The following MISP variants were observed in gnomAD, a reference collection of about 807,000 sequenced individuals.
MISP encodes mitotic interactor and substrate of PLK1.
Under a neutral mutation model 49.3 loss-of-function variants are expected in MISP, and 51 were observed. That is an observed-to-expected ratio of 1.03 (90% confidence interval 0.83 to 1.31). The LOEUF is 1.31. Ranked by LOEUF, MISP falls within the 50% of genes most tolerant of loss-of-function variation. The pLI, the probability that MISP is intolerant of heterozygous loss-of-function variation, is 0.00. For synonymous variants in MISP, 444 were observed against 392.6 expected (o/e 1.13, Z -1.55); for missense variants, 1,084 against 935.1 (o/e 1.16, Z -2.08).
At chr19:761,557 A>G in intron 3 of MISP, 68 bp from the exon 4 acceptor site, 1 of 1,571,428 alleles carries the variant, frequency 6.4e-7, no homozygotes, top group Non-Finnish European at 8.8e-7. Context: ...GCTGTGTGGG[A>G]GCTCTGGTCG....
At chr19:761,317 C>T (rs1247504238) in intron 3 of MISP, among the ~76,000 whole-genome samples, 2 of 151,242 alleles carry the variant, frequency 1.3e-5, no homozygotes, top group Non-Finnish European at 3.0e-5. Flanking sequence ...CGAGATCGCA[C>T]CACCGCACTC....
chr19:758,941 T>C (rs1345331829), intron 2 of MISP, among the ~76,000 whole-genome samples: 1 of 152,238 alleles, frequency 6.6e-6, no homozygotes, highest in African/African-American at 2.4e-5. Flanking sequence ...GGGCTTTTGC[T>C]TTATGGATTT....
intron 4 of MISP, among the ~76,000 whole-genome samples, chr19:762,973 C>T (rs1396083336): frequency 6.6e-6 from 1 of 152,146 alleles, no homozygotes; most frequent in African/African-American, 2.4e-5. Context: ...TCGCCTGACC[C>T]CTCTTTGAGC....
chr19:761,373 A>T (rs1379694255), intron 3 of MISP, among the ~76,000 whole-genome samples: 1 of 151,776 alleles, frequency 6.6e-6, no homozygotes, highest in African/African-American at 2.4e-5. Flanking sequence ...TAAATAAATA[A>T]ATTAATTAAT....
intron 3 of MISP, among the ~76,000 whole-genome samples, chr19:760,746 G>A (rs1360143852): frequency 3.3e-5 from 5 of 151,802 alleles, no homozygotes; most frequent in Non-Finnish European, 7.4e-5. Flanking sequence ...AAGGAACAAA[G>A]CGAGGAAGGA....
chr19:752,868 T>C (rs2033481365), intron 1 of MISP, among the ~76,000 whole-genome samples: 1 of 152,218 alleles, frequency 6.6e-6, no homozygotes, highest in African/African-American at 2.4e-5. Context: ...GGCGTGGACC[T>C]GCCCAGCCCT....
At position 758,148 on chromosome 19, in the gene MISP, C is replaced by T. The variant is rs371777542; in HGVS notation, c.1202C>T (p.Pro401Leu). The change falls in exon 2 of 5, where the codon CCG (proline) becomes CTG (leucine). Residue 401 changes from proline (P) to leucine (L), a missense_variant. By Grantham distance (98) the Pro-to-Leu change is moderately conservative (BLOSUM62 -3). Transcript: ENST00000215582. ...RALSSDSILSPAPDARAADPA... is the reference protein window; with the variant it reads ...RALSSDSILSLAPDARAADPA... ...CTCAGCTCAGATTCCATCCTCAGCC[C>T]GGCCCCAGATGCCCGTGCGGCCGAC... 7.2e-5 allele frequency: 116 copies of T among 1,611,856 alleles called. No homozygotes were observed. Among genetic ancestry groups the T allele is most frequent in the African/African-American group, 3.9e-4 (29 of 75,002 alleles).
At position 757,291 on chromosome 19, in the gene MISP, C is replaced by T. The variant is rs777876767; in HGVS notation, c.345C>T (p.Asp115=). 14 of 1,613,910 alleles carry T rather than the reference C, an allele frequency of 8.7e-6. No homozygotes were observed. The highest frequency in any genetic ancestry group is 5.5e-5 in the South Asian group (5 of 91,092). ...CAACATGGGCACTCCGCCCAGAGGACGGGGAGGACAAGGAGATGAAGACCT... is the reference window on the plus strand; with the variant it reads ...CAACATGGGCACTCCGCCCAGAGGATGGGGAGGACAAGGAGATGAAGACCT... ...GRPTWALRPE[D]GEDKEMKTYR... Residue 115 remains aspartate (D), a synonymous_variant, in exon 2 of 5, where the codon GAC becomes GAT. Coordinates refer to ENST00000215582, the MANE Select transcript of MISP (RefSeq NM_173481.4).
In MISP at chr19:757,275, C is replaced by T; in HGVS notation, c.329C>T (p.Ala110Val). Residue 110 changes from alanine to valine, a missense_variant, in exon 2 of 5, where the codon GCA (alanine) becomes GTA (valine). Ala to Val is a moderately conservative substitution (Grantham distance 64). Coordinates refer to ENST00000215582, the MANE Select transcript of MISP (RefSeq NM_173481.4). ...RDAHQGRPTW[A>V]LRPEDGEDKE... ...GCCCACCAGGGACGTCCAACATGGG[C>T]ACTCCGCCCAGAGGACGGGGAGGAC... 1 of 1,613,996 alleles carries T rather than the reference C, an allele frequency of 6.2e-7. No homozygotes were observed. The highest frequency in any genetic ancestry group is 8.5e-7 in the Non-Finnish European group (1 of 1,179,978).
Position 757,570 on chromosome 19 carries a change from G to C in MISP, c.624G>C (p.Lys208Asn), listed in dbSNP as rs372681965. 3.1e-6 allele frequency: 5 copies of C among 1,612,764 alleles called. No individual in the cohort carries two copies. In the African/African-American group the frequency reaches 4.0e-5, roughly 13 times the overall value. The part of the protein sequence containing the change: ...QQFLSLEQAN[K>N]GAPHSSPARG... ...TCCTGAGTCTGGAGCAGGCGAACAA[G>C]GGGGCCCCTCATAGCTCCCCGGCCA... The change falls in exon 2 of 5, where the codon AAG becomes AAC. Residue 208 changes from lysine to asparagine, a missense_variant. Physicochemically the swap from Lys to Asn is moderately conservative, Grantham distance 94. Coordinates refer to ENST00000215582, the MANE Select transcript of MISP (RefSeq NM_173481.4).
intron 1 of MISP, among the ~76,000 whole-genome samples, chr19:752,264 C>T (rs1001954559): frequency 1.3e-5 from 2 of 152,192 alleles, no homozygotes; most frequent in East Asian, 1.9e-4. Context: ...TGGGGCTCTT[C>T]CCCCGAGGGC....
chr19:763,648 G>A lies in MISP; in HGVS notation c.*58G>A. On this transcript the variant is annotated 3_prime_UTR_variant, in exon 5 of 5. Coordinates refer to ENST00000215582, the MANE Select transcript of MISP (RefSeq NM_173481.4). ...CCCTGACCCTCGTGGGAACTGCCAA[G>A]ACCATCGCCAAGCCCCCACCCTAGG... The A allele has an allele frequency of 3.1e-6, 4 of 1,297,852 alleles. No individual in the cohort carries two copies. The highest frequency in any genetic ancestry group is 4.4e-6 in the Non-Finnish European group (4 of 909,220). 80.4% of individuals were successfully genotyped at this position (1,297,852 alleles called of 1,614,324 possible).
chr19:754,649 A>G (rs1168645461), intron 1 of MISP, among the ~76,000 whole-genome samples: 3 of 152,134 alleles, frequency 2.0e-5, no homozygotes, highest in Non-Finnish European at 4.4e-5. Context: ...AATACCTAAG[A>G]CGGGTGCTGG....
intron 2 of MISP, among the ~76,000 whole-genome samples, chr19:759,520 C>T (rs1312317377): frequency 1.3e-5 from 2 of 151,756 alleles, no homozygotes; most frequent in Non-Finnish European, 2.9e-5. Flanking sequence ...TCGCCTCAGC[C>T]TCCTGAGTAG....
At chr19:756,110 C>T (rs2033544829) in intron 1 of MISP, among the ~76,000 whole-genome samples, 1 of 152,122 alleles carries the variant, frequency 6.6e-6, no homozygotes, top group South Asian at 2.1e-4. Context: ...AATCAGGGAG[C>T]TTAAAAGTTT....
rs377326000 is a variant in MISP, at chr19:757,169, G to A, written c.223G>A (p.Gly75Ser). 51 of 1,613,344 alleles carry A rather than the reference G, an allele frequency of 3.2e-5. No individual in the cohort carries two copies. The highest frequency in any genetic ancestry group is 4.2e-5 in the Non-Finnish European group (49 of 1,179,968). The change falls in exon 2 of 5, where the codon GGC becomes AGC. Residue 75 changes from glycine (G) to serine (S), a missense_variant. By Grantham distance (56) the Gly-to-Ser change is moderately conservative. Transcript: ENST00000215582. Reference sequence around the variant, plus strand: ...GTCCTACAGCGTGCATGCCTACACTGGCCAGCCGTCCCCACGGGGGCTCCA... The same window carrying A: ...GTCCTACAGCGTGCATGCCTACACTAGCCAGCCGTCCCCACGGGGGCTCCA... The part of the protein sequence containing the change: ...GVSYSVHAYT[G>S]QPSPRGLHSE...
chr19:755,044 G>A (rs1347756855), intron 1 of MISP, among the ~76,000 whole-genome samples: 1 of 150,564 alleles, frequency 6.6e-6, no homozygotes, highest in Non-Finnish European at 1.5e-5. Context: ...TGGAAGAGGA[G>A]GGTCTGGTTT....
At chr19:753,226 T>A (rs796650990) in intron 1 of MISP, among the ~76,000 whole-genome samples, 2 of 152,174 alleles carry the variant, frequency 1.3e-5, no homozygotes, top group Admixed American at 1.3e-4. Context: ...TGGTTTTCAA[T>A]GTTTCCCCTA....
upstream of MISP, among the ~76,000 whole-genome samples, chr19:750,381 G>A (rs1367384353): frequency 6.6e-6 from 1 of 151,892 alleles, no homozygotes; most frequent in Non-Finnish European, 1.5e-5. Context: ...TGTATTTTTA[G>A]TAGAGACGGG....
Sources: allele counts gnomAD v4.1 joint callset (sites outside exome capture counted in the v4.1 genomes callset), GRCh38; gene constraint gnomAD v4.1.1; transcripts MANE v1.5; gene names NCBI Gene and HGNC (gene_info 2026-07-23, HGNC 2026-07-21).